The following KARS1 variants were observed in gnomAD, a reference collection of about 807,000 sequenced individuals.
KARS1 encodes lysyl-tRNA synthetase 1.
A neutral mutation model predicts 63.9 loss-of-function variants in KARS1; 50 were observed. That is an observed-to-expected ratio of 0.78 (90% CI 0.62 to 0.99). The LOEUF is 0.99. Among genes scored for constraint, KARS1 ranks in the 50% least tolerant of loss-of-function variants. The pLI is 0.00. For synonymous variants in KARS1, 320 were observed against 264.6 expected, an observed-to-expected ratio of 1.21 and a Z score of -2.03; for missense variants, 816 against 754.5, an observed-to-expected ratio of 1.08 and a Z score of -0.95.
intron 7 of KARS1, among the ~76,000 whole-genome samples, chr16:75,633,502 T>A (rs2082132867): frequency 6.6e-6 from 1 of 151,242 alleles, no homozygotes; most frequent in Non-Finnish European, 1.5e-5. Flanking sequence ...ATCTTTATAG[T>A]GATTTGAAGA....
At chr16:75,634,636 C>T (rs560705607) in intron 6 of KARS1, among the ~76,000 whole-genome samples, 23 of 152,258 alleles carry the variant, frequency 1.5e-4, no homozygotes, top group African/African-American at 5.1e-4. Context: ...AGTGCAGCAG[C>T]GCGATCTCGG....
chr16:75,627,998 G>A lies in KARS1; in HGVS notation c.1696-5C>T. 6.5e-7 allele frequency: 1 copy of A among 1,550,290 alleles called. No individual in the cohort carries two copies. Among genetic ancestry groups the A allele is most frequent in the Non-Finnish European group, 8.9e-7 (1 of 1,121,858 alleles). On this transcript the variant is annotated splice_region_variant and splice_polypyrimidine_tract_variant and intron_variant, in intron 13 of 13. Coordinates refer to ENST00000302445, the MANE Select transcript of KARS1 (RefSeq NM_005548.3). ...GGCAGGAAACAGAAGTACTTCCTGTGGGAGATAAGAATGTACCTTGAAGCT... is the reference window on the plus strand; with the variant it reads ...GGCAGGAAACAGAAGTACTTCCTGTAGGAGATAAGAATGTACCTTGAAGCT...
At chr16:75,646,448 G>T (rs2082284435) in intron 1 of KARS1, among the ~76,000 whole-genome samples, 1 of 151,876 alleles carries the variant, frequency 6.6e-6, no homozygotes, top group African/African-American at 2.4e-5. Flanking sequence ...GGCTGAGGCA[G>T]GAGAATCGCT....
At chr16:75,647,341 C>G in intron 1 of KARS1, 1 of 584,972 alleles carries the variant, frequency 1.7e-6, no homozygotes, top group Non-Finnish European at 3.1e-6. Flanking sequence ...AGTCTCTTAA[C>G]TCTAGGAGTA....
At chr16:75,646,782 G>C (rs948289813) in intron 1 of KARS1, among the ~76,000 whole-genome samples, 1 of 151,786 alleles carries the variant, frequency 6.6e-6, no homozygotes, top group Non-Finnish European at 1.5e-5. Context: ...GAGTAGCTGG[G>C]ATAACAAGTG....
chr16:75,642,252 G>A (rs2082234647), intron 1 of KARS1, among the ~76,000 whole-genome samples: 2 of 140,114 alleles, frequency 1.4e-5, no homozygotes, highest in Non-Finnish European at 3.0e-5. Flanking sequence ...GGCCCAGGCT[G>A]GAGTGCAGTC....
At chr16:75,643,980 G>T (rs190118169) in intron 1 of KARS1, among the ~76,000 whole-genome samples, 5 of 152,252 alleles carry the variant, frequency 3.3e-5, no homozygotes, top group Admixed American at 3.3e-4. Context: ...AATCTCAAGA[G>T]CACACAAAAC....
At chr16:75,634,042 C>A in intron 7 of KARS1, 131 bp downstream of exon 7, 1 of 945,210 alleles carries the variant, frequency 1.1e-6, no homozygotes. Flanking sequence ...ATCCACACAC[C>A]TGACCCATCA....
Position 75,634,274 on chromosome 16 carries a change from T to G in KARS1, c.814A>C (p.Asn272His), listed in dbSNP as rs972789417. The change falls in exon 7 of 14, where the codon AAC becomes CAC. Residue 272 changes from asparagine (N) to histidine (H), a missense_variant. By Grantham distance (68) the Asn-to-His change is moderately conservative (BLOSUM62 1). Coordinates refer to ENST00000302445, the MANE Select transcript of KARS1 (RefSeq NM_005548.3). ...GCCACGGCTCCCCCTGGGATGATGT[T>G]CATCATGGGAGTTTCAATCTAAAAA... Reference protein sequence around the residue: ...GFLEIETPMMNIIPGGAVAKP... With the variant: ...GFLEIETPMMHIIPGGAVAKP... The G allele has an allele frequency of 6.2e-7, 1 of 1,614,036 alleles. No homozygotes were observed. The highest frequency in any genetic ancestry group is 8.5e-7 in the Non-Finnish European group (1 of 1,179,932).
chr16:75,636,314 A>G, intron 4 of KARS1, 140 bp downstream of exon 4: 1 of 784,410 alleles, frequency 1.3e-6, no homozygotes, highest in East Asian at 2.4e-5. Flanking sequence ...AGGTGGCCAC[A>G]TTATCCTCTT....
rs147578444 is a variant in KARS1 at position 75,640,303 on chromosome 16, T to C, written c.269A>G (p.Asn90Ser). 1.9e-5 allele frequency: 30 copies of C among 1,613,526 alleles called. No homozygotes were observed. Among genetic ancestry groups the C allele is most frequent in the African/African-American group, 8.0e-5 (6 of 74,762 alleles). The change falls in exon 3 of 14, where the codon AAT (asparagine) becomes AGT (serine). Residue 90 changes from asparagine to serine, a missense_variant. Transcript: ENST00000302445. ...RSQAIHQLKV[N>S]GEDPYPHKFH... Reference sequence around the variant, plus strand: ...CTTGTGTGGGTATGGGTCTTCCCCATTGACCTTCAGCTGATGAATTGCTTG... The same window carrying C: ...CTTGTGTGGGTATGGGTCTTCCCCACTGACCTTCAGCTGATGAATTGCTTG...
At position 75,627,930 on chromosome 16, in the gene KARS1, T is replaced by A; in HGVS notation, c.1759A>T (p.Thr587Ser). The A allele has an allele frequency of 6.2e-7, 1 of 1,609,846 alleles. No homozygotes were observed. The change falls in exon 14 of 14, where the codon ACA (threonine) becomes TCA (serine). Residue 587 changes from threonine to serine, a missense_variant. By Grantham distance (58) the Thr-to-Ser change is moderately conservative. Coordinates refer to ENST00000302445, the MANE Select transcript of KARS1 (RefSeq NM_005548.3). ...DKKENVATTD[T>S]LESTTVGTSV is the part of the protein sequence containing the mutation. ...GTGCCAACTGTTGTGCTTTCCAGTGTATCAGTGGTTGCTACATTCTCCTTC... is the reference window on the plus strand; with the variant it reads ...GTGCCAACTGTTGTGCTTTCCAGTGAATCAGTGGTTGCTACATTCTCCTTC...
rs1464710959 is a variant in KARS1, at chr16:75,630,575, C to T, written c.1339-67G>A. On this transcript the variant is annotated intron_variant, in intron 10 of 13. Transcript: ENST00000302445. ...TAGTATTTGATCGTCCCAGCCCAGA[C>T]AGAAGATCTCAGCTCCCATCCAGAT... 13 of 908,292 alleles carry T rather than the reference C, an allele frequency of 1.4e-5. No homozygotes were observed. In the East Asian group the frequency reaches 1.9e-4, roughly 14 times the overall value. The allele number at this position is 908,292 out of a possible 1,614,324, so 56.3% of individuals were successfully genotyped here.
At chr16:75,645,843 C>CAAAA (rs11363202) in intron 1 of KARS1, among the ~76,000 whole-genome samples, 1 of 82,030 alleles carries the variant, frequency 1.2e-5, no homozygotes, top group Non-Finnish European at 2.9e-5. Context: ...ACTCTGCCTC[C>CAAAA]AAAAAAAAAA....
At chr16:75,643,638 C>A (rs542377689) in intron 1 of KARS1, among the ~76,000 whole-genome samples, 1 of 152,266 alleles carries the variant, frequency 6.6e-6, no homozygotes, top group Admixed American at 6.5e-5. Context: ...CTTGGCCTCC[C>A]AAAGTGCTGG....
chr16:75,632,945 C>T (rs1023094008), intron 7 of KARS1, among the ~76,000 whole-genome samples: 50 of 152,164 alleles, frequency 3.3e-4, no homozygotes, highest in African/African-American at 1.0e-3. Flanking sequence ...GTAAATACTA[C>T]GGAAAATAGA....
chr16:75,637,494 G>C (rs941368672), intron 3 of KARS1, among the ~76,000 whole-genome samples: 12 of 152,092 alleles, frequency 7.9e-5, no homozygotes, highest in Non-Finnish European at 1.5e-5. Flanking sequence ...ATCTAAAGGA[G>C]GCCAGGTGCT....
chr16:75,634,313 C>T (rs985433156), intron 6 of KARS1, 21 bp from the exon 7 acceptor site: 2 of 1,613,290 alleles, frequency 1.2e-6, no homozygotes, highest in Non-Finnish European at 8.5e-7. Context: ...CAGGGAGAAA[C>T]ATCAGTCCTT....
chr16:75,633,056 G>T (rs2082129451), intron 7 of KARS1, among the ~76,000 whole-genome samples: 1 of 152,054 alleles, frequency 6.6e-6, no homozygotes, highest in African/African-American at 2.4e-5. Flanking sequence ...GCTCCCTAAT[G>T]GTATTTACTT....
Sources: gnomAD v4.1 joint callset for allele counts (sites outside exome capture counted in the v4.1 genomes callset) on GRCh38, gnomAD v4.1.1 for gene constraint, MANE v1.5 for transcripts, NCBI Gene and HGNC (gene_info 2026-07-23, HGNC 2026-07-21) for gene names.